The following MUSK variants were observed in gnomAD, a reference collection of about 807,000 sequenced individuals.
MUSK encodes muscle, skeletal receptor tyrosine-protein kinase.
A neutral mutation model predicts 88.7 loss-of-function variants in MUSK; 55 were observed. That is an observed-to-expected ratio of 0.62 (90% confidence interval 0.50 to 0.78). The LOEUF (loss-of-function observed/expected upper bound fraction) is 0.78, where lower values mean the gene tolerates loss of function less well. Ranked by LOEUF, MUSK falls within the 30% of genes least tolerant of loss-of-function variation. The probability of loss-of-function intolerance (pLI) is 0.00; values close to 1 mark genes in which losing one functional copy is unlikely to be tolerated. For synonymous variants in MUSK, 387 were observed against 391.9 expected, an observed-to-expected ratio of 0.99 and a Z score of 0.15; for missense variants, 1,015 against 1,074.3, an observed-to-expected ratio of 0.94 and a Z score of 0.77.
chr9:110,761,055 T>G (rs766610582), intron 7 of MUSK, among the ~76,000 whole-genome samples: 1 of 152,188 alleles, frequency 6.6e-6, no homozygotes, highest in Non-Finnish European at 1.5e-5. Flanking sequence ...TAATGAGGGT[T>G]GAGAGGACAG....
chr9:110,698,814 C>A (rs189183641), intron 5 of MUSK, among the ~76,000 whole-genome samples: 10 of 152,148 alleles, frequency 6.6e-5, no homozygotes, highest in Non-Finnish European at 1.3e-4. Context: ...ATTCAACAAC[C>A]AGTTGATATG....
At chr9:110,766,047 G>A (rs1282582571) in intron 8 of MUSK, among the ~76,000 whole-genome samples, 1 of 152,168 alleles carries the variant, frequency 6.6e-6, no homozygotes, top group Non-Finnish European at 1.5e-5. Context: ...TCCCAGGCAA[G>A]AGGTAGGATC....
chr9:110,698,367 T>C lies in MUSK; in HGVS notation c.628+901T>C, dbSNP rs1268798326. On this transcript the variant is annotated intron_variant, in intron 5 of 14. Coordinates refer to ENST00000374448, the MANE Select transcript of MUSK (RefSeq NM_005592.4). ...CTATAAGAATTATCATCTATTTTTC[T>C]GCTTTTCTCTTATCTGATTGATAAG... is the stretch of plus-strand genomic sequence containing the variant. Among the ~76,000 whole-genome samples the C allele has an allele frequency of 2.0e-5, 3 of 152,212 alleles. No homozygotes were observed. In the East Asian group the frequency reaches 5.8e-4, roughly 29 times the overall value.
At chr9:110,682,621 G>A (rs865970068) in intron 1 of MUSK, 53 bp from the exon 2 acceptor site, 2 of 1,592,786 alleles carry the variant, frequency 1.3e-6, no homozygotes, top group Non-Finnish European at 8.6e-7. Context: ...TTAAGGAAGG[G>A]TTAGTAAACA....
chr9:110,774,966 TTTAA>T (rs1251404554), intron 9 of MUSK, among the ~76,000 whole-genome samples: 4 of 152,162 alleles, frequency 2.6e-5, no homozygotes, highest in South Asian at 2.1e-4. Context: ...GTTTAATTTA[TTTAA>T]TTATCTTTAA....
chr9:110,709,653 G>A (rs1474951925), intron 5 of MUSK, among the ~76,000 whole-genome samples: 1 of 152,174 alleles, frequency 6.6e-6, no homozygotes, highest in Non-Finnish European at 1.5e-5. Flanking sequence ...ACGCACTTGT[G>A]CAGACAATTA....
At chr9:110,789,797 T>A (rs1053806673) in intron 14 of MUSK, among the ~76,000 whole-genome samples, 1 of 151,658 alleles carries the variant, frequency 6.6e-6, no homozygotes, top group African/African-American at 2.4e-5. Context: ...AAAAGACGTG[T>A]TTTTTGGCGA....
At chr9:110,706,103 T>C (rs1375804541) in intron 5 of MUSK, 1 of 531,280 alleles carries the variant, frequency 1.9e-6, no homozygotes, top group Non-Finnish European at 3.9e-6. Context: ...ACCCAGTTTG[T>C]GGCTTCTGCC....
At chr9:110,669,105 G>C in intron 1 of MUSK, 122 bp downstream of exon 1, 1 of 879,266 alleles carries the variant, frequency 1.1e-6, no homozygotes, top group African/African-American at 1.6e-5. Context: ...AGAAGTAAGG[G>C]TGAAATGTAT....
intron 5 of MUSK, among the ~76,000 whole-genome samples, chr9:110,707,403 C>A (rs986602445): frequency 6.6e-6 from 1 of 152,048 alleles, no homozygotes; most frequent in East Asian, 1.9e-4. Flanking sequence ...TTAAAATGCA[C>A]TTATTTATTT....
At chr9:110,690,205 T>TTTAAGTATAAATATATAAATATATAA (rs2076315762) in intron 3 of MUSK, among the ~76,000 whole-genome samples, 8 of 101,598 alleles carry the variant, frequency 7.9e-5, no homozygotes, top group Admixed American at 1.4e-4. Context: ...TAAATATATA[T>TTTAAGTATAAATATATAAATATATAA]AAATATATAT....
At chr9:110,694,462 A>C (rs970687317) in intron 3 of MUSK, among the ~76,000 whole-genome samples, 3 of 151,720 alleles carry the variant, frequency 2.0e-5, no homozygotes, top group African/African-American at 7.2e-5. Context: ...CTTACCACCA[A>C]CAACACCAAA....
chr9:110,701,655 TATTTTA>T (rs1414882590), intron 5 of MUSK, among the ~76,000 whole-genome samples: 1 of 8,918 alleles, frequency 1.1e-4, no homozygotes, highest in Non-Finnish European at 1.9e-4. Context: ...CTCAGCTATT[TATTTTA>T]TTTATTTTAT....
At chr9:110,684,951 T>C (rs1052730024) in intron 2 of MUSK, among the ~76,000 whole-genome samples, 1 of 152,132 alleles carries the variant, frequency 6.6e-6, no homozygotes, top group Non-Finnish European at 1.5e-5. Context: ...GGATGGCCCT[T>C]AATATCTTTC....
At chr9:110,691,539 T>C (rs2076355779) in intron 3 of MUSK, among the ~76,000 whole-genome samples, 1 of 152,152 alleles carries the variant, frequency 6.6e-6, no homozygotes, top group African/African-American at 2.4e-5. Flanking sequence ...TTCTTCTACC[T>C]GGTGATGTAT....
At chr9:110,765,844 G>C (rs1007313650) in intron 8 of MUSK, among the ~76,000 whole-genome samples, 1 of 152,138 alleles carries the variant, frequency 6.6e-6, no homozygotes, top group African/African-American at 2.4e-5. Context: ...AAAGTGCTGG[G>C]ATTACAGGTG....
At chr9:110,695,298 A>C in intron 3 of MUSK, 105 bp from the exon 4 acceptor site, 1 of 824,500 alleles carries the variant, frequency 1.2e-6, no homozygotes, top group East Asian at 3.1e-5. Context: ...AACATGCCTC[A>C]AATGATTCTC....
intron 9 of MUSK, among the ~76,000 whole-genome samples, chr9:110,774,389 T>G (rs2131981735): frequency 6.6e-6 from 1 of 152,356 alleles, no homozygotes; most frequent in South Asian, 2.1e-4. Context: ...TGTGAAAAAC[T>G]CTGCTATAGA....
intron 5 of MUSK, among the ~76,000 whole-genome samples, chr9:110,725,306 T>G (rs926734527): frequency 6.6e-6 from 1 of 151,946 alleles, no homozygotes; most frequent in African/African-American, 2.4e-5. Flanking sequence ...TACGTACAGT[T>G]TCATTCTTGT....
Sources: allele counts gnomAD v4.1 joint callset (sites outside exome capture counted in the v4.1 genomes callset), GRCh38; gene constraint gnomAD v4.1.1; transcripts MANE v1.5; gene names NCBI Gene and HGNC (gene_info 2026-07-23, HGNC 2026-07-21).